PDZRN4: variants seen among roughly 807,000 people sequenced by gnomAD.
The protein encoded by PDZRN4 is PDZ domain-containing RING finger protein 4.
A neutral mutation model predicts 99.0 loss-of-function variants in PDZRN4; 70 were observed. That is an observed-to-expected ratio of 0.71 (90% confidence interval 0.58 to 0.86). The LOEUF (loss-of-function observed/expected upper bound fraction) is 0.86. PDZRN4 is among the 40% of genes least tolerant of loss of function. The pLI is 0.00. For synonymous variants in PDZRN4, 551 were observed against 501.6 expected (o/e 1.10, Z -1.32); for missense variants, 1,474 against 1,331.2 (o/e 1.11, Z -1.67).
chr12:41,314,538 G>A (rs1223045137), intron 3 of PDZRN4, among the ~76,000 whole-genome samples: 2 of 152,176 alleles, frequency 1.3e-5, no homozygotes, highest in Non-Finnish European at 2.9e-5. Context: ...TCACCAAAGA[G>A]GCTGCATTTT....
intron 3 of PDZRN4, among the ~76,000 whole-genome samples, chr12:41,289,471 T>C (rs1041338902): frequency 1.3e-5 from 2 of 152,202 alleles, no homozygotes; most frequent in Non-Finnish European, 2.9e-5. Flanking sequence ...TCAGGCTCAC[T>C]GCTCCTTCAT....
intron 9 of PDZRN4, among the ~76,000 whole-genome samples, chr12:41,571,374 TCTCACACACACA>T (rs1046927142): frequency 4.9e-5 from 3 of 60,714 alleles, no homozygotes; most frequent in African/African-American, 7.3e-5. Context: ...TCTCTCTCTC[TCTCACACACACA>T]CACACACACA....
intron 3 of PDZRN4, among the ~76,000 whole-genome samples, chr12:41,433,072 G>T (rs11610969): frequency 6.6e-6 from 1 of 152,068 alleles, no homozygotes; most frequent in Non-Finnish European, 1.5e-5. Context: ...GCTGATAAAA[G>T]ATATTTAGCT....
chr12:41,309,272 A>C (rs1198195914), intron 3 of PDZRN4, among the ~76,000 whole-genome samples: 1 of 152,304 alleles, frequency 6.6e-6, no homozygotes, highest in East Asian at 1.9e-4. Flanking sequence ...TGTAATGATC[A>C]GAAATTTATT....
At chr12:41,387,597 A>G (rs1210819925) in intron 3 of PDZRN4, among the ~76,000 whole-genome samples, 1 of 152,120 alleles carries the variant, frequency 6.6e-6, no homozygotes, top group Non-Finnish European at 1.5e-5. Flanking sequence ...AACAACAACA[A>G]CAACAAAAAA....
At chr12:41,545,357 C>T (rs562863194) in intron 5 of PDZRN4, among the ~76,000 whole-genome samples, 1 of 152,090 alleles carries the variant, frequency 6.6e-6, no homozygotes, top group African/African-American at 2.4e-5. Flanking sequence ...GTCAATGTTT[C>T]TCTGTTTGGA....
At chr12:41,440,252 CTTTT>C (rs1952666994) in intron 3 of PDZRN4, among the ~76,000 whole-genome samples, 1 of 152,058 alleles carries the variant, frequency 6.6e-6, no homozygotes, top group Admixed American at 6.6e-5. Context: ...CTTTTTGTTT[CTTTT>C]GTTACTATTC....
At chr12:41,425,597 G>A (rs149965085) in intron 3 of PDZRN4, among the ~76,000 whole-genome samples, 1 of 152,076 alleles carries the variant, frequency 6.6e-6, no homozygotes, top group East Asian at 1.9e-4. Flanking sequence ...CAAATATAAG[G>A]ACTACTGTCT....
At chr12:41,300,027 T>C (rs1288525619) in intron 3 of PDZRN4, among the ~76,000 whole-genome samples, 1 of 151,950 alleles carries the variant, frequency 6.6e-6, no homozygotes, top group Non-Finnish European at 1.5e-5. Flanking sequence ...TATTCCAAGA[T>C]AAATCTTACA....
intron 3 of PDZRN4, among the ~76,000 whole-genome samples, chr12:41,293,416 C>G (rs1264256314): frequency 6.6e-6 from 1 of 151,656 alleles, no homozygotes; most frequent in Non-Finnish European, 1.5e-5. Context: ...TTTTCTGGCT[C>G]TCCCCTACTA....
chr12:41,466,382 T>C (rs1326401059), intron 3 of PDZRN4, among the ~76,000 whole-genome samples: 1 of 152,114 alleles, frequency 6.6e-6, no homozygotes, highest in Non-Finnish European at 1.5e-5. Context: ...GCAGGAGAAA[T>C]TACAGGAGGA....
At chr12:41,339,141 AAT>A (rs1951797475) in intron 3 of PDZRN4, among the ~76,000 whole-genome samples, 1 of 152,008 alleles carries the variant, frequency 6.6e-6, no homozygotes, top group Non-Finnish European at 1.5e-5. Context: ...AAAAAAACAA[AAT>A]GGGAGGAATC....
At chr12:41,424,413 A>G (rs1952517350) in intron 3 of PDZRN4, among the ~76,000 whole-genome samples, 1 of 152,160 alleles carries the variant, frequency 6.6e-6, no homozygotes, top group African/African-American at 2.4e-5. Context: ...GAAAATTTGG[A>G]TGGTGTGTAG....
chr12:41,351,381 G>A (rs995444114), intron 3 of PDZRN4, among the ~76,000 whole-genome samples: 1 of 152,066 alleles, frequency 6.6e-6, no homozygotes, highest in Non-Finnish European at 1.5e-5. Flanking sequence ...AGATGAAAAG[G>A]TAAGAGGAGT....
At chr12:41,328,858 T>G (rs1374612206) in intron 3 of PDZRN4, among the ~76,000 whole-genome samples, 1 of 152,132 alleles carries the variant, frequency 6.6e-6, no homozygotes, top group African/African-American at 2.4e-5. Context: ...GGAGTGAGGC[T>G]TTTCTGATTT....
At chr12:41,467,487 A>C (rs2468315) in intron 3 of PDZRN4, among the ~76,000 whole-genome samples, 89,754 of 152,038 alleles carry the variant, frequency 0.59, 29,028 homozygotes, top group African/African-American at 0.88. Flanking sequence ...CTCAATAGAA[A>C]AAACACGAAA....
intron 3 of PDZRN4, among the ~76,000 whole-genome samples, chr12:41,330,633 A>T (rs986246817): frequency 6.6e-6 from 1 of 152,044 alleles, no homozygotes; most frequent in Non-Finnish European, 1.5e-5. Flanking sequence ...TATAAATTTT[A>T]GTTACTATTC....
intron 1 of PDZRN4, 61 bp from the exon 2 acceptor site, chr12:41,191,397 T>C (rs1446106566): frequency 3.6e-6 from 3 of 826,448 alleles, no homozygotes; most frequent in Non-Finnish European, 6.0e-6. Flanking sequence ...AAACTTATTG[T>C]AGGATTTATT....
At chr12:41,339,956 T>A (rs1951804489) in intron 3 of PDZRN4, among the ~76,000 whole-genome samples, 1 of 151,972 alleles carries the variant, frequency 6.6e-6, no homozygotes, top group Non-Finnish European at 1.5e-5. Flanking sequence ...AAAGAGGAAC[T>A]TTTGTGCACT....
Sources: gnomAD v4.1 joint callset for allele counts (sites outside exome capture counted in the v4.1 genomes callset) on GRCh38, gnomAD v4.1.1 for gene constraint, MANE v1.5 for transcripts, NCBI Gene and HGNC (gene_info 2026-07-23, HGNC 2026-07-21) for gene names.